The following SNW1 variants were observed in gnomAD, a reference collection of about 807,000 sequenced individuals.
SNW1 encodes SNW domain containing 1.
SNW1 carries 9 observed loss-of-function variants against 75.6 expected under a neutral mutation model. That is an observed-to-expected ratio of 0.12 (90% CI 0.07 to 0.21). SNW1 has a LOEUF of 0.21. Among genes scored for constraint, SNW1 ranks in the 10% least tolerant of loss-of-function variants. The pLI is 1.00. For synonymous variants in SNW1, 200 were observed against 219.1 expected (o/e 0.91, Z 0.77); for missense variants, 409 against 670.9 (o/e 0.61, Z 4.31).
chr14:77,747,101 T>G (rs1054904285), intron 3 of SNW1, among the ~76,000 whole-genome samples: 1 of 152,074 alleles, frequency 6.6e-6, no homozygotes, highest in African/African-American at 2.4e-5. Context: ...ATTTTTTTGG[T>G]GGAGATGGGG....
intron 10 of SNW1, among the ~76,000 whole-genome samples, chr14:77,725,052 CATA>C (rs2139896497): frequency 6.6e-6 from 1 of 152,272 alleles, no homozygotes; most frequent in Admixed American, 6.5e-5. Flanking sequence ...ACTGGAGTGA[CATA>C]ATATCTCACT....
intron 8 of SNW1, chr14:77,734,003 C>G (rs1462543416): frequency 2.4e-6 from 1 of 414,158 alleles, no homozygotes; most frequent in South Asian, 1.7e-5. Context: ...TTACAAAATA[C>G]CAATCAACTC....
intron 9 of SNW1, among the ~76,000 whole-genome samples, chr14:77,732,057 A>C (rs2139904092): frequency 6.6e-6 from 1 of 152,324 alleles, no homozygotes; most frequent in East Asian, 1.9e-4. Context: ...TATTTAATAC[A>C]TTATGTAACA....
chr14:77,722,408 C>G (rs761015944), intron 11 of SNW1: 2 of 379,352 alleles, frequency 5.3e-6, no homozygotes, highest in Non-Finnish European at 1.1e-5. Flanking sequence ...TGATTTTCTA[C>G]TTCTTTCAAA....
At chr14:77,758,016 AT>A (rs2080856007) in intron 1 of SNW1, among the ~76,000 whole-genome samples, 1 of 66,902 alleles carries the variant, frequency 1.5e-5, no homozygotes, top group Non-Finnish European at 3.2e-5. Context: ...TTCTCTATCT[AT>A]CTATCTATTG....
intron 12 of SNW1, among the ~76,000 whole-genome samples, chr14:77,719,630 G>A (rs2080521874): frequency 7.2e-6 from 1 of 139,562 alleles, no homozygotes; most frequent in African/African-American, 2.7e-5. Flanking sequence ...GACAGAGTGG[G>A]ACTCCATATC....
intron 3 of SNW1, among the ~76,000 whole-genome samples, chr14:77,744,464 A>G (rs994399157): frequency 6.7e-6 from 1 of 148,668 alleles, no homozygotes; most frequent in Non-Finnish European, 1.5e-5. Flanking sequence ...AAAAAAAAAA[A>G]AAGAAAAGTA....
At position 77,755,138 on chromosome 14, in the gene SNW1, A is replaced by G. The variant is rs746174927; in HGVS notation, c.15-18T>C. 8 of 1,600,754 alleles carry G rather than the reference A, an allele frequency of 5.0e-6. No individual in the cohort carries two copies. The South Asian group carries it at 7.9e-5, about 16-fold the overall frequency. ...GTAAAAAGCTATAAGCAAAGATAAT[A>G]AAAGTCAGAAATTTAAAAAACTCTT... On this transcript the variant is annotated intron_variant, in intron 1 of 13. Transcript: ENST00000261531.
intron 2 of SNW1, among the ~76,000 whole-genome samples, chr14:77,753,038 T>G (rs760311914): frequency 6.6e-6 from 1 of 152,242 alleles, no homozygotes; most frequent in Non-Finnish European, 1.5e-5. Context: ...TGTAGCATTA[T>G]GTGGTCATTA....
chr14:77,748,629 C>G (rs1305683323), intron 3 of SNW1, among the ~76,000 whole-genome samples: 1 of 151,744 alleles, frequency 6.6e-6, no homozygotes, highest in Non-Finnish European at 1.5e-5. Context: ...CTCTGTCGCC[C>G]AGGCTGGAGT....
chr14:77,739,545 G>C (rs986143356), intron 3 of SNW1, among the ~76,000 whole-genome samples: 1 of 149,996 alleles, frequency 6.7e-6, no homozygotes, highest in East Asian at 2.0e-4. Flanking sequence ...TCTATTCACA[G>C]ACTAAGAAAA....
Position 77,720,776 on chromosome 14 carries a change from C to G in SNW1, c.1183G>C (p.Gly395Arg). 6.2e-7 allele frequency: 1 copy of G among 1,613,692 alleles called. No individual in the cohort carries two copies. The highest frequency in any genetic ancestry group is 8.5e-7 in the Non-Finnish European group (1 of 1,179,894). ...TTGGAAGTCCGAGGATTAGGAACAC[C>G]GAGAGCAATAACTTCACTGATATCC... ...NRDISEVIAL[G>R]VPNPRTSNEV... The change falls in exon 12 of 14, where the codon GGT (glycine) becomes CGT (arginine). Residue 395 changes from glycine (G) to arginine (R), a missense_variant. By Grantham distance (125) the Gly-to-Arg change is moderately radical. Coordinates refer to ENST00000261531, the MANE Select transcript of SNW1 (RefSeq NM_012245.3).
chr14:77,758,708 G>A (rs1376417704), intron 1 of SNW1, among the ~76,000 whole-genome samples: 1 of 152,234 alleles, frequency 6.6e-6, no homozygotes, highest in Non-Finnish European at 1.5e-5. Flanking sequence ...CCATTAGAGT[G>A]TAAGCTCCAT....
intron 3 of SNW1, among the ~76,000 whole-genome samples, chr14:77,750,725 C>G (rs1338834058): frequency 6.6e-6 from 1 of 151,572 alleles, no homozygotes; most frequent in Non-Finnish European, 1.5e-5. Flanking sequence ...TGTAGCTGTT[C>G]TGTGATGAGA....
At chr14:77,736,309 A>G (rs1566830569) in intron 6 of SNW1, among the ~76,000 whole-genome samples, 1 of 152,160 alleles carries the variant, frequency 6.6e-6, no homozygotes, top group Non-Finnish European at 1.5e-5. Context: ...GCACTTTGGG[A>G]GGCCAAGGTG....
intron 3 of SNW1, among the ~76,000 whole-genome samples, chr14:77,748,469 T>C (rs1371149548): frequency 6.6e-6 from 1 of 152,060 alleles, no homozygotes; most frequent in Non-Finnish European, 1.5e-5. Flanking sequence ...TGGAATTATA[T>C]ATATCACTGT....
Position 77,718,285 on chromosome 14 carries a change from A to C in SNW1, c.1414T>G (p.Phe472Val). The C allele has an allele frequency of 6.2e-7, 1 of 1,613,940 alleles. No individual in the cohort carries two copies. The highest frequency in any genetic ancestry group is 8.5e-7 in the Non-Finnish European group (1 of 1,179,898). ...CCAGAAAACTCCTTGTCGGGAACAA[A>C]TCTAAGGAAAAGGAGAAAAAACTAT... ...DLEARIKTNR[F>V]VPDKEFSGSD... Residue 472 changes from phenylalanine (F) to valine (V), a missense_variant and splice_region_variant, in exon 14 of 14, where the codon TTT (phenylalanine) becomes GTT (valine). Transcript: ENST00000261531.
At position 77,723,285 on chromosome 14, in the gene SNW1, AAC is replaced by A. The variant is rs2080558201; in HGVS notation, c.1034-10_1034-9del. The A allele has an allele frequency of 1.2e-6, 2 of 1,603,108 alleles. No homozygotes were observed. Among genetic ancestry groups the A allele is most frequent in the South Asian group, 2.2e-5 (2 of 90,894 alleles). On this transcript the variant is annotated splice_polypyrimidine_tract_variant and intron_variant, in intron 10 of 13. Transcript: ENST00000261531. The stretch of plus-strand genomic sequence containing the variant: ...CACGTGCCTCCCCATCCTCTGTGTG[AAC>A]AGTTGAAAAGTACTTCACTGTAATA...
At chr14:77,719,668 T>C (rs960894342) in intron 12 of SNW1, among the ~76,000 whole-genome samples, 54 of 150,782 alleles carry the variant, frequency 3.6e-4, no homozygotes, top group African/African-American at 1.2e-3. Context: ...AAAAAAAACT[T>C]TGAAATCAAG....
Sources: allele counts gnomAD v4.1 joint callset (sites outside exome capture counted in the v4.1 genomes callset), GRCh38; gene constraint gnomAD v4.1.1; transcripts MANE v1.5; gene names NCBI Gene and HGNC (gene_info 2026-07-23, HGNC 2026-07-21).